The following ZNF276 variants were observed in gnomAD, a reference collection of about 807,000 sequenced individuals.
ZNF276 encodes the protein zinc finger protein 276.
A neutral mutation model predicts 63.9 loss-of-function variants in ZNF276; 59 were observed. The observed-to-expected ratio is 0.92, with a 90% CI of 0.75 to 1.15. The LOEUF (loss-of-function observed/expected upper bound fraction) is 1.15, where lower values mean the gene tolerates loss of function less well. Among genes scored for constraint, ZNF276 ranks in the 50% most tolerant of loss-of-function variants. ZNF276 has a pLI of 0.00. For missense variants in ZNF276, 1,084 were observed against 843.8 expected (o/e 1.28, Z -3.53); for synonymous variants, 496 against 348.4 (o/e 1.42, Z -4.72).
At chr16:89,725,419 G>A (rs2061438770) in intron 4 of ZNF276, among the ~76,000 whole-genome samples, 1 of 152,096 alleles carries the variant, frequency 6.6e-6, no homozygotes, top group Non-Finnish European at 1.5e-5. Flanking sequence ...CTGACCTCGT[G>A]ATCCACCTGC....
At chr16:89,737,662 C>T (rs1733514108) in intron 9 of ZNF276, 144 bp from the exon 10 acceptor site, 1 of 1,484,142 alleles carries the variant, frequency 6.7e-7, no homozygotes, top group Non-Finnish European at 9.0e-7. Context: ...ACGAGGCCCT[C>T]ATAGGCCCCT....
intron 1 of ZNF276, 51 bp from the exon 2 acceptor site, chr16:89,722,480 G>A: frequency 6.4e-7 from 1 of 1,558,354 alleles, no homozygotes; most frequent in South Asian, 1.2e-5. Flanking sequence ...GACGCCCTGT[G>A]CTCAGGAGCC....
chr16:89,725,707 C>T (rs564027759), intron 4 of ZNF276, among the ~76,000 whole-genome samples: 4 of 152,188 alleles, frequency 2.6e-5, no homozygotes, highest in African/African-American at 9.6e-5. Flanking sequence ...AGGAGAATCG[C>T]TTGACCCTGG....
In ZNF276 at chr16:89,721,820, GGGCGAGGAC is replaced by G; in HGVS notation, c.185_193del (p.Glu62_Gly64del). The G allele has an allele frequency of 8.2e-7, 1 of 1,226,076 alleles. No individual in the cohort carries two copies. The highest frequency in any genetic ancestry group is 1.6e-5 in the African/African-American group (1 of 63,796). The allele number at this position is 1,226,076 out of a possible 1,614,324, so 75.9% of individuals were successfully genotyped here. On this transcript the variant is annotated inframe_deletion, in exon 1 of 11. Coordinates refer to ENST00000443381, the MANE Select transcript of ZNF276 (RefSeq NM_001113525.2). The stretch of plus-strand genomic sequence containing the variant: ...GCCCGGTGGGGTCCTGCGGGGACGC[GGGCGAGGAC>G]GGCGCGGACGAGGCAGGTGGGTCCG...
intron 9 of ZNF276, among the ~76,000 whole-genome samples, chr16:89,736,042 C>T (rs1006915104): frequency 1.3e-5 from 2 of 152,052 alleles, no homozygotes; most frequent in African/African-American, 4.8e-5. Context: ...CAGGTGCTGG[C>T]CACCACACCC....
At chr16:89,720,807 G>A (rs1283360559), upstream of ZNF276, 3 of 1,459,064 alleles carry the variant, frequency 2.1e-6, no homozygotes, top group Non-Finnish European at 1.8e-6. Context: ...CCGTTGGCAA[G>A]CTTCATGGCG....
Position 89,739,590 on chromosome 16 carries a change from A to G in ZNF276, c.*1344A>G. On this transcript the variant is annotated 3_prime_UTR_variant, in exon 11 of 11. Transcript: ENST00000443381. Reference sequence around the variant, plus strand: ...AGAAGTGGCTCAGGCAACTCTGGACATCTCTGCCTATTATCAGTGCTGGGG... The same window carrying G: ...AGAAGTGGCTCAGGCAACTCTGGACGTCTCTGCCTATTATCAGTGCTGGGG... The G allele has an allele frequency of 1.3e-6, 2 of 1,546,546 alleles. No homozygotes were observed. The highest frequency in any genetic ancestry group is 1.7e-6 in the Non-Finnish European group (2 of 1,143,114).
At chr16:89,737,402 T>C in intron 9 of ZNF276, 1 of 237,620 alleles carries the variant, frequency 4.2e-6, no homozygotes, top group Non-Finnish European at 8.5e-6. Context: ...GCGCCTGTAA[T>C]CCCAGCTACT....
At chr16:89,727,462 C>A (rs2061502200) in intron 5 of ZNF276, 105 bp downstream of exon 5, 1 of 1,355,806 alleles carries the variant, frequency 7.4e-7, no homozygotes, top group Non-Finnish European at 1.0e-6. Context: ...CCTAAAATTT[C>A]TCCTTCAAAA....
intron 6 of ZNF276, chr16:89,733,002 GCGCCC>G: frequency 7.5e-6 from 2 of 268,188 alleles, no homozygotes; most frequent in Non-Finnish European, 1.5e-5. Context: ...GCTGTACCCT[GCGCCC>G]TCGCCCTCTG....
upstream of ZNF276, chr16:89,720,587 C>T: frequency 8.2e-7 from 1 of 1,224,314 alleles, no homozygotes; most frequent in Non-Finnish European, 1.0e-6. Context: ...TCCAAGGTCA[C>T]TGCACGCCCG....
In ZNF276 at chr16:89,739,674, G is replaced by T; in HGVS notation, c.*1428G>T. Reference sequence around the variant, plus strand: ...GGCCTGGCTGTGGGGATAGTGTGGGGCGAACAGCCTGAGCTGAGGATACCC... The same window carrying T: ...GGCCTGGCTGTGGGGATAGTGTGGGTCGAACAGCCTGAGCTGAGGATACCC... On this transcript the variant is annotated 3_prime_UTR_variant, in exon 11 of 11. Coordinates refer to ENST00000443381, the MANE Select transcript of ZNF276 (RefSeq NM_001113525.2). The T allele has an allele frequency of 6.6e-7, 1 of 1,513,438 alleles. No homozygotes were observed. Among genetic ancestry groups the T allele is most frequent in the African/African-American group, 1.4e-5 (1 of 72,484 alleles). 93.8% of individuals were successfully genotyped at this position (1,513,438 alleles called of 1,614,324 possible). A position where few individuals can be genotyped will look rare whatever the true frequency, so the allele number is the denominator to read the frequency against.
chr16:89,723,704 C>T lies in ZNF276; in HGVS notation c.1001C>T (p.Ala334Val), dbSNP rs749479537. Residue 334 changes from alanine (A) to valine (V), a missense_variant, in exon 4 of 11, where the codon GCC becomes GTC. By Grantham distance (64) the Ala-to-Val change is moderately conservative. Transcript: ENST00000443381. ...CAGCCAAGCCTGCCCCTTTGCAGGG[C>T]CCCAGGTAGGAGGCACCTCTTGCTG... The part of the protein sequence containing the change: ...PPQPSLPLCR[A>V]PGQLGEKQLP... 1.9e-6 allele frequency: 3 copies of T among 1,607,570 alleles called. No individual in the cohort carries two copies. The highest frequency in any genetic ancestry group is 1.1e-5 in the South Asian group (1 of 90,970).
chr16:89,729,247 T>C lies in ZNF276; in HGVS notation c.1098T>C (p.Ser366=). Reference sequence around the variant, plus strand: ...TCTTAATTCCTAGAGACGTCTTGAGTGAAGATGAAAATGACAAGAAGCAAA... The same window carrying C: ...TCTTAATTCCTAGAGACGTCTTGAGCGAAGATGAAAATGACAAGAAGCAAA... ...FSDLSEGDVL[S]EDENDKKQNA... is the part of the protein sequence containing the mutation. Residue 366 remains serine (S), a synonymous_variant, in exon 6 of 11, where the codon AGT becomes AGC. Coordinates refer to ENST00000443381, the MANE Select transcript of ZNF276 (RefSeq NM_001113525.2). The C allele has an allele frequency of 6.2e-7, 1 of 1,613,902 alleles. No homozygotes were observed. The highest frequency in any genetic ancestry group is 8.5e-7 in the Non-Finnish European group (1 of 1,179,948).
chr16:89,738,835 A>C lies in ZNF276; in HGVS notation c.*589A>C, dbSNP rs767757264. On this transcript the variant is annotated 3_prime_UTR_variant, in exon 11 of 11. Coordinates refer to ENST00000443381, the MANE Select transcript of ZNF276 (RefSeq NM_001113525.2). ...CAGGCACATGGCCCAGGCAGCTGTC[A>C]ATTCTCATGTCCCCCACATGGCCCA... 1.2e-6 allele frequency: 2 copies of C among 1,614,142 alleles called. No individual in the cohort carries two copies. Among genetic ancestry groups the C allele is most frequent in the Non-Finnish European group, 1.7e-6 (2 of 1,180,012 alleles).
At position 89,739,696 on chromosome 16, in the gene ZNF276, A is replaced by G. The variant is rs558073072; in HGVS notation, c.*1450A>G. On this transcript the variant is annotated 3_prime_UTR_variant, in exon 11 of 11. Transcript: ENST00000443381. ...GGGGCGAACAGCCTGAGCTGAGGATACCCAGGTACCTGTCAGCAGCTGGGA... is the reference window on the plus strand; with the variant it reads ...GGGGCGAACAGCCTGAGCTGAGGATGCCCAGGTACCTGTCAGCAGCTGGGA... 2.7e-6 allele frequency: 4 copies of G among 1,503,058 alleles called. No individual in the cohort carries two copies. In the East Asian group the frequency reaches 9.9e-5, roughly 37 times the overall value. The allele number at this position is 1,503,058 out of a possible 1,614,324, so 93.1% of individuals were successfully genotyped here. A position where few individuals can be genotyped will look rare whatever the true frequency, so the allele number is the denominator to read the frequency against.
chr16:89,739,784 T>C lies in ZNF276; in HGVS notation c.*1538T>C, dbSNP rs577860270. The C allele has an allele frequency of 6.8e-7, 1 of 1,469,104 alleles. No homozygotes were observed. The allele number at this position is 1,469,104 out of a possible 1,614,324, so 91.0% of individuals were successfully genotyped here. A position where few individuals can be genotyped will look rare whatever the true frequency, so the allele number is the denominator to read the frequency against. ...GTGGTGCAGAGAGAGGCAGTCCCCA[T>C]GATAGGCCCATTGGTCCTGGGGTTG... On this transcript the variant is annotated 3_prime_UTR_variant, in exon 11 of 11. Coordinates refer to ENST00000443381, the MANE Select transcript of ZNF276 (RefSeq NM_001113525.2).
intron 4 of ZNF276, 86 bp from the exon 5 acceptor site, chr16:89,727,193 C>A: frequency 1.5e-6 from 2 of 1,366,688 alleles, no homozygotes; most frequent in South Asian, 1.2e-5. Context: ...CCCTTCTAGT[C>A]ATCAATAGTA....
chr16:89,722,268 G>A (rs1308632186), intron 1 of ZNF276, among the ~76,000 whole-genome samples: 2 of 152,244 alleles, frequency 1.3e-5, no homozygotes, highest in Non-Finnish European at 2.9e-5. Context: ...TGGGAGGAGG[G>A]TGCAGTTCCA....
Sources: allele counts gnomAD v4.1 joint callset (sites outside exome capture counted in the v4.1 genomes callset), GRCh38; gene constraint gnomAD v4.1.1; transcripts MANE v1.5; gene names NCBI Gene and HGNC (gene_info 2026-07-23, HGNC 2026-07-21).